The following WDPCP variants were observed in gnomAD, a reference collection of about 807,000 sequenced individuals.
The protein encoded by WDPCP is WD repeat containing planar cell polarity effector, also known as WD repeat-containing and planar cell polarity effector protein fritz homolog.
In WDPCP, 71 loss-of-function variants were observed where a neutral mutation model predicts 93.1. That is an observed-to-expected ratio of 0.76 (90% CI 0.63 to 0.93). WDPCP has a LOEUF of 0.93. Ranked by LOEUF, WDPCP falls within the 40% of genes least tolerant of loss-of-function variation. The pLI is 0.00. For synonymous variants in WDPCP, 315 were observed against 315.0 expected (o/e 1.00, Z 0.00); for missense variants, 844 against 887.4 (o/e 0.95, Z 0.62).
chr2:63,128,008 G>C lies in WDPCP; in HGVS notation c.2191-5952C>G, dbSNP rs1022236566. On this transcript the variant is annotated intron_variant, in intron 17 of 17. Transcript: ENST00000272321. ...AAACAAATTAGCCGGGTGTGGTAGCGTGCTTCTGTAATCCCAGCTACTCTG... is the reference window on the plus strand; with the variant it reads ...AAACAAATTAGCCGGGTGTGGTAGCCTGCTTCTGTAATCCCAGCTACTCTG... Among the ~76,000 whole-genome samples the C allele has an allele frequency of 2.0e-5, 3 of 152,000 alleles. No individual in the cohort carries two copies. The East Asian group carries it at 5.8e-4, about 29-fold the overall frequency.
intron 2 of WDPCP, among the ~76,000 whole-genome samples, chr2:63,758,588 G>A (rs1378467189): frequency 6.6e-6 from 1 of 152,022 alleles, no homozygotes; most frequent in Non-Finnish European, 1.5e-5. Flanking sequence ...ACAGGCACAT[G>A]CCACCACGGC....
intron 13 of WDPCP, among the ~76,000 whole-genome samples, chr2:63,295,381 G>A (rs936993102): frequency 6.6e-6 from 1 of 151,896 alleles, no homozygotes; most frequent in Admixed American, 6.6e-5. Flanking sequence ...TCAACTATAC[G>A]CTGTAAGAGA....
At chr2:63,743,373 T>C (rs994644746) in intron 2 of WDPCP, among the ~76,000 whole-genome samples, 1 of 152,110 alleles carries the variant, frequency 6.6e-6, no homozygotes, top group African/African-American at 2.4e-5. Context: ...CCTTGCCACC[T>C]GATGCTGCCA....
intron 3 of WDPCP, among the ~76,000 whole-genome samples, chr2:63,628,916 C>T (rs1226798457): frequency 6.6e-6 from 1 of 152,172 alleles, no homozygotes; most frequent in Non-Finnish European, 1.5e-5. Flanking sequence ...GTCTAGTGGT[C>T]CCACACTTGG....
chr2:63,576,241 C>A (rs566354921), intron 1 of WDPCP, among the ~76,000 whole-genome samples: 1 of 152,214 alleles, frequency 6.6e-6, no homozygotes, highest in Admixed American at 6.5e-5. Flanking sequence ...TGTCCCCCAC[C>A]CCCCACTTCT....
At chr2:63,813,494 A>C (rs1269772868) in intron 2 of WDPCP, 1 of 152,208 alleles carries the variant, frequency 6.6e-6, no homozygotes, top group Non-Finnish European at 1.5e-5. Context: ...TGTGTTCTAC[A>C]CTTCATGGAG....
chr2:63,362,877 A>G (rs896409971), intron 12 of WDPCP, among the ~76,000 whole-genome samples: 7 of 152,294 alleles, frequency 4.6e-5, no homozygotes, highest in African/African-American at 1.7e-4. Context: ...GGTTACTCTT[A>G]GGCATACTTT....
intron 2 of WDPCP, among the ~76,000 whole-genome samples, chr2:63,670,635 G>A (rs60600949): frequency 0.011 from 1,738 of 152,232 alleles, 33 homozygotes; most frequent in African/African-American, 0.039. Context: ...TAAAAAACAG[G>A]GAGGAAGAGA....
chr2:63,428,724 G>T (rs76172890), intron 9 of WDPCP, among the ~76,000 whole-genome samples: 270 of 152,226 alleles, frequency 1.8e-3, no homozygotes, highest in Non-Finnish European at 3.3e-3. Context: ...GGAAGTCCTT[G>T]CCAGGGTAAT....
In WDPCP at chr2:63,810,093, A is replaced by G. The variant is rs369317244; in HGVS notation, n.308+3529T>C. Among the ~76,000 whole-genome samples, 11 of 152,326 alleles carry G rather than the reference A, an allele frequency of 7.2e-5. No homozygotes were observed. The South Asian group carries it at 1.7e-3, about 23-fold the overall frequency. ...CAAAAAGTAATTCAAAAAATAAGCA[A>G]TATACAAAGAGCACCTAAAGACCTG... On this transcript the variant is annotated intron_variant and non_coding_transcript_variant, in intron 2 of 4. Coordinates refer to the WDPCP transcript ENST00000467687.
intron 3 of WDPCP, chr2:63,600,108 C>CA (rs35524564): frequency 0.19 from 29,434 of 151,332 alleles, 3,666 homozygotes; most frequent in Non-Finnish European, 0.25. Context: ...ACTTTAGTTT[C>CA]AAAAAAAAAT....
At chr2:63,701,359 G>A (rs543249757) in intron 2 of WDPCP, among the ~76,000 whole-genome samples, 2 of 152,274 alleles carry the variant, frequency 1.3e-5, no homozygotes, top group African/African-American at 4.8e-5. Flanking sequence ...AACAGATGCT[G>A]ACAAGGATGT....
chr2:63,424,518 G>C (rs1696116072), intron 9 of WDPCP, among the ~76,000 whole-genome samples: 2 of 152,152 alleles, frequency 1.3e-5, no homozygotes, highest in African/African-American at 4.8e-5. Flanking sequence ...CCCAGCCTGA[G>C]TGCTTTGCTG....
At chr2:63,778,081 C>CCATT (rs1159921441) in intron 2 of WDPCP, among the ~76,000 whole-genome samples, 1 of 152,110 alleles carries the variant, frequency 6.6e-6, no homozygotes, top group East Asian at 1.9e-4. Flanking sequence ...TCCACCTGAC[C>CCATT]CATTCTGTGC....
intron 2 of WDPCP, among the ~76,000 whole-genome samples, chr2:63,722,531 G>C (rs1306178450): frequency 7.1e-6 from 1 of 140,112 alleles, no homozygotes; most frequent in African/African-American, 2.6e-5. Flanking sequence ...GTCTCCGCCC[G>C]GCCAGCCGCC....
intron 12 of WDPCP, among the ~76,000 whole-genome samples, chr2:63,367,463 A>T (rs1009521426): frequency 6.6e-6 from 1 of 152,130 alleles, no homozygotes; most frequent in Non-Finnish European, 1.5e-5. Flanking sequence ...AATCAGATAA[A>T]TGTACAGAGA....
At chr2:63,706,717 C>T (rs568602201) in intron 2 of WDPCP, among the ~76,000 whole-genome samples, 21 of 148,364 alleles carry the variant, frequency 1.4e-4, no homozygotes, top group South Asian at 8.6e-4. Context: ...CCCGGGTTCA[C>T]GCCATTCTCC....
intron 13 of WDPCP, among the ~76,000 whole-genome samples, chr2:63,290,825 T>C (rs1684365111): frequency 6.6e-6 from 1 of 151,998 alleles, no homozygotes; most frequent in South Asian, 2.1e-4. Context: ...ATTTTAAAGA[T>C]ACAATTTTTT....
At chr2:63,429,569 A>G (rs1696571096) in intron 9 of WDPCP, among the ~76,000 whole-genome samples, 1 of 152,224 alleles carries the variant, frequency 6.6e-6, no homozygotes, top group Non-Finnish European at 1.5e-5. Flanking sequence ...CAAATCGCCA[A>G]CAAACATATG....
Sources: gnomAD v4.1 joint callset for allele counts (sites outside exome capture counted in the v4.1 genomes callset) on GRCh38, gnomAD v4.1.1 for gene constraint, MANE v1.5 for transcripts, NCBI Gene and HGNC (gene_info 2026-07-23, HGNC 2026-07-21) for gene names.